Variants in RASSF5 observed in about 807,000 individuals in gnomAD.
The protein encoded by RASSF5 is Ras association domain family member 5.
Under a neutral mutation model 40.5 loss-of-function variants are expected in RASSF5, and 25 were observed. The ratio of observed to expected loss-of-function variants is 0.62; its 90% CI spans 0.45 to 0.86. The LOEUF is 0.86. RASSF5 is among the 40% of genes least tolerant of loss of function. The pLI is 0.00. For missense variants in RASSF5, 521 were observed against 572.8 expected (o/e 0.91, Z 0.92); for synonymous variants, 246 against 252.4 (o/e 0.97, Z 0.24).
rs1238703610 is a variant in RASSF5 at position 206,531,881 on chromosome 1, A to AT, written c.458-6291_458-6290insT. Among the ~76,000 whole-genome samples the AT allele has an allele frequency of 6.7e-6, 1 of 148,250 alleles. No homozygotes were observed. Among genetic ancestry groups the AT allele is most frequent in the African/African-American group, 2.6e-5 (1 of 38,628 alleles). Reference sequence around the variant, plus strand: ...TGAAACCCTGTCTCTACTAAAAAAAAATAAATAAATAAATACAAAAATTAG... The same window carrying AT: ...TGAAACCCTGTCTCTACTAAAAAAAATATAAATAAATAAATACAAAAATTAG... On this transcript the variant is annotated intron_variant, in intron 1 of 5. Coordinates refer to ENST00000579436, the MANE Select transcript of RASSF5 (RefSeq NM_182663.4). This position sits in a 1 kb window ranked among gnomAD's most constrained non-coding sequence, Gnocchi z 4.7.
At chr1:206,515,207 G>T (rs926324107) in intron 1 of RASSF5, among the ~76,000 whole-genome samples, 3 of 152,174 alleles carry the variant, frequency 2.0e-5, no homozygotes, top group Non-Finnish European at 4.4e-5. Context: ...AAAAAGGGAG[G>T]TGAGCCCTAT....
chr1:206,507,782 C>A lies in RASSF5; in HGVS notation c.180C>A (p.Arg60=). ...CTGCGCCCGGGGCGCGCGAGGGGCG[C>A]AGCGCCCGGAGGGCTGCCCGGGGGA... ...LSTAPGAREG[R]SARRAARGNL... is the part of the protein sequence containing the mutation. The change falls in exon 1 of 6, where the codon CGC becomes CGA. Residue 60 remains arginine (R), a synonymous_variant. Coordinates refer to ENST00000579436, the MANE Select transcript of RASSF5 (RefSeq NM_182663.4). The A allele has an allele frequency of 7.2e-7, 1 of 1,391,480 alleles. No homozygotes were observed. The highest frequency in any genetic ancestry group is 9.2e-7 in the Non-Finnish European group (1 of 1,083,408). 86.2% of individuals were successfully genotyped at this position (1,391,480 alleles called of 1,614,324 possible). A position where few individuals can be genotyped will look rare whatever the true frequency, so the allele number is the denominator to read the frequency against.
chr1:206,512,299 C>T (rs1328166868), intron 1 of RASSF5, among the ~76,000 whole-genome samples: 9 of 152,216 alleles, frequency 5.9e-5, no homozygotes, highest in Admixed American at 2.6e-4. Context: ...GAGCTTCCCA[C>T]GCTGCAGCCC....
intron 2 of RASSF5, 154 bp from the exon 3 acceptor site, chr1:206,583,115 C>G (rs1255853890): frequency 4.8e-5 from 28 of 585,928 alleles, no homozygotes; most frequent in Non-Finnish European, 8.1e-5. Context: ...AATTTGACCT[C>G]TCATTGTCTC....
intron 2 of RASSF5, among the ~76,000 whole-genome samples, chr1:206,553,140 T>G (rs1553401251): frequency 1.3e-5 from 2 of 151,896 alleles, no homozygotes. Flanking sequence ...AGGTGGAGCT[T>G]GCAGTGAGAT....
chr1:206,508,506 C>T (rs1666528490), intron 1 of RASSF5, among the ~76,000 whole-genome samples: 1 of 152,148 alleles, frequency 6.6e-6, no homozygotes, highest in East Asian at 1.9e-4. Flanking sequence ...ATTAGGGTTA[C>T]TGACAAAACG....
intron 2 of RASSF5, among the ~76,000 whole-genome samples, chr1:206,571,880 C>T (rs1473772978): frequency 6.6e-6 from 1 of 152,314 alleles, no homozygotes; most frequent in Non-Finnish European, 1.5e-5. Context: ...CTCCTGAGGG[C>T]ATAAGATGTC....
chr1:206,523,484 AATATTATATATTATATATTTTAT>A (rs538857763), intron 1 of RASSF5, among the ~76,000 whole-genome samples: 52,501 of 87,204 alleles, frequency 0.6, 15,870 homozygotes, highest in South Asian at 0.78. Flanking sequence ...TACAATATAT[AATATTATATATTATATATTTTAT>A]ATATTATATA....
chr1:206,530,916 G>A (rs1667223769), intron 1 of RASSF5, among the ~76,000 whole-genome samples: 1 of 152,376 alleles, frequency 6.6e-6, no homozygotes, highest in African/African-American at 2.4e-5. Flanking sequence ...CACTGATGGG[G>A]TGTGCACAGA....
At chr1:206,534,057 G>A (rs573083420) in intron 1 of RASSF5, among the ~76,000 whole-genome samples, 1 of 152,192 alleles carries the variant, frequency 6.6e-6, no homozygotes, top group African/African-American at 2.4e-5. Flanking sequence ...GCCAACACTT[G>A]ATTTCAAGCT....
intron 2 of RASSF5, among the ~76,000 whole-genome samples, chr1:206,581,977 G>A (rs1271287808): frequency 6.6e-6 from 1 of 152,176 alleles, no homozygotes; most frequent in East Asian, 1.9e-4. Flanking sequence ...GACAGTGTCA[G>A]ATGGTGTCAG....
intron 2 of RASSF5, among the ~76,000 whole-genome samples, chr1:206,566,268 A>G (rs1419386894): frequency 6.6e-6 from 1 of 152,178 alleles, no homozygotes; most frequent in Non-Finnish European, 1.5e-5. Flanking sequence ...GAAAGGCTCC[A>G]AATAAGCTCC....
intron 2 of RASSF5, among the ~76,000 whole-genome samples, chr1:206,556,801 C>T (rs1036137101): frequency 6.6e-6 from 1 of 152,122 alleles, no homozygotes; most frequent in Non-Finnish European, 1.5e-5. Flanking sequence ...CCGATTGACC[C>T]GGCTCCCCCA....
At chr1:206,565,194 C>A (rs1668251905) in intron 2 of RASSF5, among the ~76,000 whole-genome samples, 1 of 152,154 alleles carries the variant, frequency 6.6e-6, no homozygotes, top group Non-Finnish European at 1.5e-5. Context: ...CCCATCTGTC[C>A]CCGCAGTGCT....
intron 1 of RASSF5, among the ~76,000 whole-genome samples, chr1:206,524,635 TAA>T (rs1667044155): frequency 7.3e-6 from 1 of 137,586 alleles, no homozygotes; most frequent in African/African-American, 2.8e-5. Flanking sequence ...GTATAATATA[TAA>T]AATATATATT....
chr1:206,576,058 C>T (rs782635805), intron 2 of RASSF5, among the ~76,000 whole-genome samples: 11 of 152,194 alleles, frequency 7.2e-5, no homozygotes, highest in African/African-American at 2.4e-4. Context: ...TTCAGCCAAG[C>T]GGGGTGCCAA....
rs1426086177 is a variant in RASSF5 at position 206,531,445 on chromosome 1, C to CGGTA, written c.458-6726_458-6723dup. Among the ~76,000 whole-genome samples the CGGTA allele has an allele frequency of 2.0e-5, 3 of 152,092 alleles. No individual in the cohort carries two copies. Among genetic ancestry groups the CGGTA allele is most frequent in the African/African-American group, 7.2e-5 (3 of 41,404 alleles). ...GACATCTTGGGGCCAGGTTGAGAGG[C>CGGTA]GGTATCCTAGCTGGGGGAGCTGGCA... On this transcript the variant is annotated intron_variant, in intron 1 of 5. Transcript: ENST00000579436. The surrounding 1 kb of genome is among the most constrained non-coding windows in gnomAD (Gnocchi z 4.7).
intron 2 of RASSF5, among the ~76,000 whole-genome samples, chr1:206,570,181 TC>T (rs1441304236): frequency 1.1e-4 from 16 of 145,034 alleles, no homozygotes; most frequent in Non-Finnish European, 1.9e-4. Context: ...AACCTCTGCC[TC>T]CCAGGTTCAA....
In RASSF5 at chr1:206,546,089, A is replaced by ATTTTTTTTT. The variant is rs10603701; in HGVS notation, c.579+7825_579+7833dup. ...TTTTTCTTTTCTTTCTTCTTTTTCT[A>ATTTTTTTTT]TTTTTTTTTTTTTTTTTTTTTTTTT... is the stretch of plus-strand genomic sequence containing the variant. On this transcript the variant is annotated intron_variant, in intron 2 of 5. Transcript: ENST00000579436. 1.5e-4 allele frequency among the ~76,000 whole-genome samples: 7 copies of ATTTTTTTTT among 48,236 alleles called. 2 individuals carry two copies. The highest frequency in any genetic ancestry group is 5.7e-4 in the African/African-American group (7 of 12,342). 31.6% of individuals were successfully genotyped at this position (48,236 alleles called of 152,430 possible).
Sources: gnomAD v4.1 joint callset for allele counts (sites outside exome capture counted in the v4.1 genomes callset) on GRCh38, gnomAD v4.1.1 for gene constraint, Gnocchi (gnomAD v3.1) non-coding constraint, MANE v1.5 for transcripts, NCBI Gene and HGNC (gene_info 2026-07-23, HGNC 2026-07-21) for gene names.